Variants in LINGO2 observed in about 807,000 individuals in gnomAD.
LINGO2 encodes the protein leucine-rich repeat and immunoglobulin-like domain-containing nogo receptor-interacting protein 2.
A neutral mutation model predicts 30.6 loss-of-function variants in LINGO2; 14 were observed. The observed-to-expected ratio is 0.46, with a 90% CI of 0.30 to 0.72. The LOEUF is 0.72. LINGO2 is among the 30% of genes least tolerant of loss of function. LINGO2 has a pLI of 0.07. For missense variants in LINGO2, 729 were observed against 751.7 expected (o/e 0.97, Z 0.35); for synonymous variants, 317 against 288.5 (o/e 1.10, Z -1.00).
intron 4 of LINGO2, among the ~76,000 whole-genome samples, chr9:28,179,532 A>G (rs1216170140): frequency 1.4e-5 from 1 of 73,828 alleles, no homozygotes; most frequent in Non-Finnish European, 2.8e-5. Context: ...TATATAAACT[A>G]TATATAGTTT....
chr9:28,983,050 T>G, the LINGO2 span, among the ~76,000 whole-genome samples: 1 of 151,884 alleles, frequency 6.6e-6, no homozygotes, highest in East Asian at 1.9e-4. Flanking sequence ...AAATATCACA[T>G]GAACTCAACA....
intron 1 of LINGO2, among the ~76,000 whole-genome samples, chr9:28,514,646 T>C (rs1418482771): frequency 6.6e-6 from 1 of 152,178 alleles, no homozygotes; most frequent in African/African-American, 2.4e-5. Context: ...GGCTAGTAGA[T>C]GTTAGTTCAT....
intron 4 of LINGO2, among the ~76,000 whole-genome samples, chr9:28,066,083 G>A (rs911615988): frequency 1.3e-5 from 2 of 151,822 alleles, no homozygotes; most frequent in Non-Finnish European, 1.5e-5. Flanking sequence ...CGGCTGCAGC[G>A]GTTTCATTTG....
chr9:28,409,687 C>A (rs1039435584), intron 2 of LINGO2, among the ~76,000 whole-genome samples: 12 of 150,340 alleles, frequency 8.0e-5, no homozygotes, highest in Non-Finnish European at 1.6e-4. Context: ...GAAAAGAGAG[C>A]ATCAGGATCA....
intron 2 of LINGO2, among the ~76,000 whole-genome samples, chr9:28,447,025 G>T (rs2135049523): frequency 6.6e-6 from 1 of 152,212 alleles, no homozygotes; most frequent in East Asian, 1.9e-4. Flanking sequence ...CCCCCTCAGT[G>T]CCCAACTGTC....
chr9:28,441,567 T>C (rs905280065), intron 2 of LINGO2, among the ~76,000 whole-genome samples: 1 of 152,088 alleles, frequency 6.6e-6, no homozygotes, highest in Non-Finnish European at 1.5e-5. Context: ...ATCCCAGGTT[T>C]TTCTCATACC....
In LINGO2 at chr9:28,057,521, G is replaced by A. The variant is rs1313802826; in HGVS notation, c.-86-45116C>T. ...GTTGTGAATGTATGCATATATGTGT[G>A]TATATATATACACACACACATATGT... On this transcript the variant is annotated intron_variant, in intron 4 of 5. Coordinates refer to ENST00000379992, the Ensembl canonical transcript of LINGO2. 2.1e-5 allele frequency among the ~76,000 whole-genome samples: 2 copies of A among 94,670 alleles called. 1 individual carries two copies. The highest frequency in any genetic ancestry group is 7.6e-5 in the African/African-American group (2 of 26,322). The allele number at this position is 94,670 out of a possible 152,430, so 62.1% of individuals were successfully genotyped here.
chr9:28,309,133 G>A (rs1024012073), intron 3 of LINGO2, among the ~76,000 whole-genome samples: 27 of 152,216 alleles, frequency 1.8e-4, no homozygotes, highest in Admixed American at 7.2e-4. Flanking sequence ...ACATGCACAC[G>A]TATGTTTATT....
At chr9:28,417,608 T>A (rs1467593941) in intron 2 of LINGO2, among the ~76,000 whole-genome samples, 2 of 152,206 alleles carry the variant, frequency 1.3e-5, no homozygotes, top group Admixed American at 1.3e-4. Flanking sequence ...CTTTACGTGA[T>A]GAACTCTTAT....
At chr9:28,554,024 G>T (rs1416755277) in intron 1 of LINGO2, among the ~76,000 whole-genome samples, 1 of 152,056 alleles carries the variant, frequency 6.6e-6, no homozygotes, top group Non-Finnish European at 1.5e-5. Flanking sequence ...GGAACAACTG[G>T]TACCAGCCGC....
chr9:27,954,889 T>C (rs1466927534), intron 5 of LINGO2, among the ~76,000 whole-genome samples: 1 of 152,226 alleles, frequency 6.6e-6, no homozygotes, highest in Admixed American at 6.5e-5. Flanking sequence ...AGTTCCTTTT[T>C]CTGCACATCC....
At chr9:27,981,565 AAAAAG>A (rs1820872622) in intron 5 of LINGO2, among the ~76,000 whole-genome samples, 5 of 129,086 alleles carry the variant, frequency 3.9e-5, no homozygotes, top group African/African-American at 8.1e-5. Flanking sequence ...AAAAAGAAAA[AAAAAG>A]AAAAAAAAAA....
chr9:28,962,804 T>C, the LINGO2 span, among the ~76,000 whole-genome samples: 1 of 151,770 alleles, frequency 6.6e-6, no homozygotes. Context: ...ATTTTACATC[T>C]TATCTTACTT....
chr9:28,348,761 T>G (rs1056411242), intron 3 of LINGO2, among the ~76,000 whole-genome samples: 1 of 151,764 alleles, frequency 6.6e-6, no homozygotes, highest in African/African-American at 2.4e-5. Flanking sequence ...CTGACAGCTT[T>G]GAAGAGAGCA....
intron 4 of LINGO2, among the ~76,000 whole-genome samples, chr9:28,176,253 G>A (rs148498919): frequency 1.5e-3 from 223 of 152,080 alleles, no homozygotes; most frequent in African/African-American, 4.4e-3. Flanking sequence ...TGTTTCTTAC[G>A]TAGAATCTTT....
chr9:28,760,551 C>T, the LINGO2 span, among the ~76,000 whole-genome samples: 1 of 151,856 alleles, frequency 6.6e-6, no homozygotes, highest in Non-Finnish European at 1.5e-5. Flanking sequence ...GTGGTATTTG[C>T]TTACATGAGT....
intron 4 of LINGO2, among the ~76,000 whole-genome samples, chr9:28,291,644 G>T (rs548117104): frequency 6.6e-6 from 1 of 152,280 alleles, no homozygotes; most frequent in African/African-American, 2.4e-5. Flanking sequence ...CAGATGAAAA[G>T]AAACCATTCG....
At chr9:28,433,966 T>TACAC (rs757972811) in intron 2 of LINGO2, among the ~76,000 whole-genome samples, 9 of 99,994 alleles carry the variant, frequency 9.0e-5, no homozygotes, top group Non-Finnish European at 1.7e-4. Context: ...TATATATATA[T>TACAC]ACACACACAC....
chr9:28,926,289 G>T, the LINGO2 span, among the ~76,000 whole-genome samples: 1 of 152,122 alleles, frequency 6.6e-6, no homozygotes, highest in Non-Finnish European at 1.5e-5. Flanking sequence ...ACTCCAGCCT[G>T]GGGGATAGAG....
Sources: allele counts gnomAD v4.1 joint callset (sites outside exome capture counted in the v4.1 genomes callset), GRCh38; gene constraint gnomAD v4.1.1; transcripts MANE v1.5; gene names NCBI Gene and HGNC (gene_info 2026-07-23, HGNC 2026-07-21).